Variants in ALPK1 observed in about 807,000 individuals in gnomAD.
ALPK1 encodes alpha kinase 1, also known as alpha-protein kinase 1.
A neutral mutation model predicts 120.6 loss-of-function variants in ALPK1; 110 were observed. The ratio of observed to expected loss-of-function variants is 0.91; its 90% CI spans 0.78 to 1.07. The LOEUF (loss-of-function observed/expected upper bound fraction) is 1.07. ALPK1 is among the 50% of genes least tolerant of loss of function. The probability of loss-of-function intolerance (pLI) is 0.00; values close to 1 mark genes in which losing one functional copy is unlikely to be tolerated. For synonymous variants in ALPK1, 582 were observed against 560.3 expected (o/e 1.04, Z -0.55); for missense variants, 1,498 against 1,483.9 (o/e 1.01, Z -0.16).
intron 4 of ALPK1, among the ~76,000 whole-genome samples, chr4:112,395,978 C>G (rs866666375): frequency 6.6e-6 from 1 of 152,070 alleles, no homozygotes; most frequent in East Asian, 1.9e-4. Flanking sequence ...TTTTTTTTAA[C>G]AAAGGATGTC....
At chr4:112,306,426 A>G (rs1004276169) in intron 1 of ALPK1, among the ~76,000 whole-genome samples, 2 of 152,022 alleles carry the variant, frequency 1.3e-5, no homozygotes, top group Non-Finnish European at 2.9e-5. Flanking sequence ...TCAATTTCAG[A>G]GCCTGTTATT....
intron 1 of ALPK1, among the ~76,000 whole-genome samples, chr4:112,314,950 G>A (rs1728572066): frequency 7.0e-6 from 1 of 142,156 alleles, no homozygotes; most frequent in Non-Finnish European, 1.5e-5. Flanking sequence ...GCCTGATCTC[G>A]GCTCACTGCA....
At chr4:112,372,195 G>C (rs970783312) in intron 2 of ALPK1, among the ~76,000 whole-genome samples, 6 of 151,094 alleles carry the variant, frequency 4.0e-5, no homozygotes, top group Non-Finnish European at 8.8e-5. Flanking sequence ...TCAATATAAA[G>C]AAAACTACTT....
At chr4:112,395,357 A>C (rs930398448) in intron 4 of ALPK1, among the ~76,000 whole-genome samples, 1 of 152,220 alleles carries the variant, frequency 6.6e-6, no homozygotes, top group African/African-American at 2.4e-5. Context: ...AGCATTTTTA[A>C]GCTCAACAAA....
rs771854606 is a variant in ALPK1 at position 112,425,708 on chromosome 4, G to A, written c.579G>A (p.Gln193=). ...YRNESDKVLV[Q]SVCIQIRGQI... ...ATGAAAGTGACAAGGTCCTGGTGCA[G>A]TCGGTCTGTATACAGATCAGAGGGC... is the stretch of plus-strand genomic sequence containing the variant. The change falls in exon 7 of 16, where the codon CAG becomes CAA. Residue 193 remains glutamine (Q), a synonymous_variant. Transcript: ENST00000650871. The A allele has an allele frequency of 8.7e-6, 14 of 1,613,170 alleles. No individual in the cohort carries two copies. In the East Asian group the frequency reaches 2.9e-4, roughly 33 times the overall value.
chr4:112,358,231 G>T, intron 2 of ALPK1: 7 of 594,982 alleles, frequency 1.2e-5, no homozygotes, highest in South Asian at 9.1e-5. Context: ...GTGACCACAG[G>T]GTTGCCTTTG....
At chr4:112,373,873 A>T (rs1030508693) in intron 2 of ALPK1, among the ~76,000 whole-genome samples, 4 of 152,252 alleles carry the variant, frequency 2.6e-5, no homozygotes, top group East Asian at 1.9e-4. Context: ...TAATTAAGAA[A>T]TGCTTTATTG....
At chr4:112,357,624 C>A (rs573156294) in intron 2 of ALPK1, 71 of 1,607,344 alleles carry the variant, frequency 4.4e-5, no homozygotes, top group Non-Finnish European at 6.0e-5. Flanking sequence ...GCCTGGAGAA[C>A]CCACACATCA....
chr4:112,300,507 A>T (rs1322806668), intron 1 of ALPK1, among the ~76,000 whole-genome samples: 2 of 152,020 alleles, frequency 1.3e-5, no homozygotes, highest in Admixed American at 6.6e-5. Flanking sequence ...TTTATTTGGC[A>T]TACAAATAAC....
At chr4:112,331,965 TAAC>T (rs1560640311) in intron 2 of ALPK1, among the ~76,000 whole-genome samples, 2 of 152,174 alleles carry the variant, frequency 1.3e-5, no homozygotes, top group Admixed American at 6.5e-5. Context: ...CAGTACCAAA[TAAC>T]AACCACTAAG....
chr4:112,376,757 C>G (rs1331462215), intron 2 of ALPK1, among the ~76,000 whole-genome samples: 1 of 152,222 alleles, frequency 6.6e-6, no homozygotes, highest in East Asian at 1.9e-4. Context: ...CTTTCAGACT[C>G]TCTTGCTTTT....
intron 4 of ALPK1, among the ~76,000 whole-genome samples, chr4:112,404,068 C>T (rs1379414789): frequency 6.6e-6 from 1 of 152,198 alleles, no homozygotes; most frequent in African/African-American, 2.4e-5. Context: ...CCACAGAGCC[C>T]GCTCATTTTC....
At chr4:112,366,670 C>T (rs545030486) in intron 2 of ALPK1, among the ~76,000 whole-genome samples, 17 of 151,376 alleles carry the variant, frequency 1.1e-4, no homozygotes, top group South Asian at 1.0e-3. Flanking sequence ...GTAGAACTAC[C>T]ATTTGATCCA....
intron 1 of ALPK1, among the ~76,000 whole-genome samples, chr4:112,304,162 G>GCACAAGTTCACACGTA (rs1727918800): frequency 2.0e-5 from 3 of 152,090 alleles, no homozygotes; most frequent in African/African-American, 7.3e-5. Flanking sequence ...ATGGACACTT[G>GCACAAGTTCACACGTA]GATTGGTTCC....
At chr4:112,337,094 C>CT (rs1339843831) in intron 2 of ALPK1, among the ~76,000 whole-genome samples, 2 of 151,808 alleles carry the variant, frequency 1.3e-5, no homozygotes, top group East Asian at 1.9e-4. Context: ...GAAAAGAGTC[C>CT]TTTTTTTATT....
chr4:112,415,632 C>T (rs1030707078), intron 5 of ALPK1, among the ~76,000 whole-genome samples: 1 of 140,956 alleles, frequency 7.1e-6, no homozygotes, highest in African/African-American at 2.7e-5. Flanking sequence ...GAGACTCTGT[C>T]TCAAAAAAAA....
intron 2 of ALPK1, among the ~76,000 whole-genome samples, chr4:112,342,130 G>A (rs1021613307): frequency 1.3e-5 from 2 of 152,160 alleles, no homozygotes; most frequent in Admixed American, 1.3e-4. Flanking sequence ...ATAGCACTAT[G>A]AGCATTTATG....
Position 112,411,884 on chromosome 4 carries a change from T to C in ALPK1, c.334T>C (p.Phe112Leu). ...CTGTGCGGCTGCGGCGGCTATTGTGTTCTTGGTGGACCGGTTCCTGTATGG... is the reference window on the plus strand; with the variant it reads ...CTGTGCGGCTGCGGCGGCTATTGTGCTCTTGGTGGACCGGTTCCTGTATGG... ...RDCAAAAAIVFLVDRFLYGLD... is the reference protein window; with the variant it reads ...RDCAAAAAIVLLVDRFLYGLD... The change falls in exon 5 of 16, where the codon TTC (phenylalanine) becomes CTC (leucine). Residue 112 changes from phenylalanine (F) to leucine (L), a missense_variant. Transcript: ENST00000650871. The C allele has an allele frequency of 6.2e-7, 1 of 1,613,962 alleles. No homozygotes were observed. The highest frequency in any genetic ancestry group is 8.5e-7 in the Non-Finnish European group (1 of 1,179,898).
At chr4:112,337,548 A>C (rs1302678741) in intron 2 of ALPK1, among the ~76,000 whole-genome samples, 1 of 152,142 alleles carries the variant, frequency 6.6e-6, no homozygotes, top group Non-Finnish European at 1.5e-5. Context: ...AATTTTAAAA[A>C]TAAAAATGAG....
Sources: gnomAD v4.1 joint callset for allele counts (sites outside exome capture counted in the v4.1 genomes callset) on GRCh38, gnomAD v4.1.1 for gene constraint, MANE v1.5 for transcripts, NCBI Gene and HGNC (gene_info 2026-07-23, HGNC 2026-07-21) for gene names.